Variants in ARHGAP33 observed in about 807,000 individuals in gnomAD.
ARHGAP33 encodes the protein rho GTPase-activating protein 33.
A neutral mutation model predicts 126.2 loss-of-function variants in ARHGAP33; 57 were observed. The ratio of observed to expected loss-of-function variants is 0.45; its 90% CI spans 0.36 to 0.56. ARHGAP33 has a LOEUF of 0.56. ARHGAP33 is among the 20% of genes least tolerant of loss of function. ARHGAP33 has a pLI of 0.00. For missense variants in ARHGAP33, 1,500 were observed against 1,748.3 expected, an observed-to-expected ratio of 0.86 and a Z score of 2.53; for synonymous variants, 711 against 755.0, an observed-to-expected ratio of 0.94 and a Z score of 0.95.
Position 35,777,914 on chromosome 19 carries a change from G to A in ARHGAP33, c.189+6G>A, listed in dbSNP as rs200713597. The A allele has an allele frequency of 2.5e-6, 4 of 1,614,102 alleles. No homozygotes were observed. In the East Asian group the frequency reaches 8.9e-5, roughly 36 times the overall value. ...TTGACTTTGGCCACATTCAGGTATG[G>A]GGGCTTTGCATTTGCACCCAGGAGG... On this transcript the variant is annotated splice_donor_region_variant and intron_variant, in intron 3 of 20. Transcript: ENST00000007510.
chr19:35,784,662 C>T (rs1972003896), intron 16 of ARHGAP33: 4 of 1,303,418 alleles, frequency 3.1e-6, no homozygotes, highest in Non-Finnish European at 3.9e-6. Flanking sequence ...CCCCGGACCC[C>T]AGCCCAGTCA....
intron 1 of ARHGAP33, 90 bp downstream of exon 1, chr19:35,775,754 G>A: frequency 7.8e-7 from 1 of 1,278,510 alleles, no homozygotes; most frequent in Non-Finnish European, 1.0e-6. Flanking sequence ...CCCCGGCCCC[G>A]CCCGATCCCG....
Position 35,778,332 on chromosome 19 carries a change from T to C in ARHGAP33, c.242T>C (p.Leu81Pro). The change falls in exon 4 of 21, where the codon CTG (leucine) becomes CCG (proline). Residue 81 changes from leucine to proline, a missense_variant. Leu to Pro is a moderately conservative substitution (Grantham distance 98). Transcript: ENST00000007510. The stretch of plus-strand genomic sequence containing the variant: ...CCCAGCCTCTCTGGAGAGAATGAGC[T>C]GGTGTTCGGGGTGCAGGTGACCTGT... The part of the protein sequence containing the change: ...EGPSLSGENE[L>P]VFGVQVTCQG... The C allele has an allele frequency of 1.2e-6, 2 of 1,614,176 alleles. No individual in the cohort carries two copies. The highest frequency in any genetic ancestry group is 1.6e-4 in the Middle Eastern group (1 of 6,062).
intron 8 of ARHGAP33, 26 bp from the exon 9 acceptor site, chr19:35,780,556 C>T (rs1359444202): frequency 6.2e-7 from 1 of 1,613,504 alleles, no homozygotes; most frequent in Admixed American, 1.7e-5. Flanking sequence ...TGGGGTGGCC[C>T]AGCTACTGAC....
At position 35,778,580 on chromosome 19, in the gene ARHGAP33, C is replaced by A; in HGVS notation, c.387C>A (p.Pro129=). The A allele has an allele frequency of 6.2e-7, 1 of 1,613,922 alleles. No individual in the cohort carries two copies. The highest frequency in any genetic ancestry group is 8.5e-7 in the Non-Finnish European group (1 of 1,179,956). The part of the protein sequence containing the change: ...FSCLPELPPP[P]EGARAAQMLV... The stretch of plus-strand genomic sequence containing the variant: ...GCCTTCCGGAGCTTCCCCCGCCCCC[C>A]GAGGGTGCCAGGGCTGCCCAGGTAA... The change falls in exon 5 of 21, where the codon CCC becomes CCA. Residue 129 remains proline (P), a synonymous_variant. Coordinates refer to ENST00000007510, the MANE Select transcript of ARHGAP33 (RefSeq NM_001366178.1).
intron 16 of ARHGAP33, chr19:35,784,551 T>C (rs1971990319): frequency 7.6e-7 from 1 of 1,313,036 alleles, no homozygotes; most frequent in African/African-American, 1.6e-5. Flanking sequence ...CTTCACCCCT[T>C]GTAGCTCCTG....
intron 2 of ARHGAP33, 33 bp downstream of exon 2, chr19:35,777,775 A>G (rs761814922): frequency 6.2e-7 from 1 of 1,613,844 alleles, no homozygotes; most frequent in East Asian, 2.2e-5. Context: ...CTCAGCTAGG[A>G]GCTGGGGAGA....
Position 35,781,059 on chromosome 19 carries a change from C to T in ARHGAP33, c.969C>T (p.Asn323=). The change falls in exon 11 of 21, where the codon AAC becomes AAT. Residue 323 remains asparagine, a synonymous_variant. Transcript: ENST00000007510. ...GCGATCTTGGCGAGCACCTCAGCAA[C>T]TCAGGCCAGGATGGTGAGGCCGGGG... The part of the protein sequence containing the change: ...FGCDLGEHLS[N]SGQDVPQVLR... The T allele has an allele frequency of 1.2e-6, 2 of 1,612,520 alleles. No individual in the cohort carries two copies. The highest frequency in any genetic ancestry group is 1.7e-6 in the Non-Finnish European group (2 of 1,179,842).
At position 35,787,853 on chromosome 19, in the gene ARHGAP33, CT is replaced by C; in HGVS notation, c.3289del (p.Tyr1097IlefsTer76). The C allele has an allele frequency of 6.2e-7, 1 of 1,609,286 alleles. No homozygotes were observed. Among genetic ancestry groups the C allele is most frequent in the Non-Finnish European group, 8.5e-7 (1 of 1,177,688 alleles). On this transcript the variant is annotated frameshift_variant, in exon 21 of 21. Transcript: ENST00000007510. LOFTEE classifies it high-confidence loss of function. ...YEIGASEGSPYSGPTRSWSPF... is the reference protein window; with the variant it reads ...YEIGASEGSPXSGPTRSWSPF... ...AGATCGGGGCAAGTGAGGGGTCCCC[CT>C]ATTCTGGCCCCACCCGCTCCTGGAG...
chr19:35,784,351 T>A lies in ARHGAP33; in HGVS notation c.1567+34T>A, dbSNP rs759629658. On this transcript the variant is annotated intron_variant, in intron 16 of 20. Coordinates refer to ENST00000007510, the MANE Select transcript of ARHGAP33 (RefSeq NM_001366178.1). ...TCCCACCCCCTGAGGTCCTGGCTAC[T>A]GCCCACCACGATCAGGGCTGCAGGG... 5.3e-6 allele frequency: 8 copies of A among 1,519,324 alleles called. No homozygotes were observed. In the African/African-American group the frequency reaches 7.0e-5, roughly 13 times the overall value. The allele number at this position is 1,519,324 out of a possible 1,614,324, so 94.1% of individuals were successfully genotyped here. A position where few individuals can be genotyped will look rare whatever the true frequency, so the allele number is the denominator to read the frequency against.
In ARHGAP33 at chr19:35,785,014, G is replaced by A; in HGVS notation, c.1629G>A (p.Leu543=). The A allele has an allele frequency of 6.5e-7, 1 of 1,549,772 alleles. No individual in the cohort carries two copies. The highest frequency in any genetic ancestry group is 2.4e-5 in the East Asian group (1 of 41,030). The part of the protein sequence containing the change: ...LAGSCPSTRL[L]TLEEAQARTQ... ...GCAGCTGCCCCTCCACCCGCCTGCTGACGCTGGAGGAAGCCCAGGCACGCA... is the reference window on the plus strand; with the variant it reads ...GCAGCTGCCCCTCCACCCGCCTGCTAACGCTGGAGGAAGCCCAGGCACGCA... The change falls in exon 17 of 21, where the codon CTG becomes CTA. Residue 543 remains leucine, a synonymous_variant. Transcript: ENST00000007510.
chr19:35,778,701 T>C (rs762674251), intron 5 of ARHGAP33, 100 bp downstream of exon 5: 13 of 1,449,184 alleles, frequency 9.0e-6, no homozygotes, highest in Non-Finnish European at 1.1e-5. Flanking sequence ...TAAATACTGG[T>C]ATGGCCCAAG....
chr19:35,782,823 A>C lies in ARHGAP33; in HGVS notation c.1375A>C (p.Met459Leu). 1 of 1,613,990 alleles carries C rather than the reference A, an allele frequency of 6.2e-7. No homozygotes were observed. The highest frequency in any genetic ancestry group is 1.1e-5 in the South Asian group (1 of 91,046). The change falls in exon 15 of 21, where the codon ATG becomes CTG. Residue 459 changes from methionine to leucine, a missense_variant. Coordinates refer to ENST00000007510, the MANE Select transcript of ARHGAP33 (RefSeq NM_001366178.1). The surrounding 1 kb of genome is among the most constrained non-coding windows in gnomAD (Gnocchi z 4.1). ...GGCGAGACACAGTGCCAACACCAGCATGCATGCCCGCAACCTGGCCATTGT... is the reference window on the plus strand; with the variant it reads ...GGCGAGACACAGTGCCAACACCAGCCTGCATGCCCGCAACCTGGCCATTGT... ...RMARHSANTS[M>L]HARNLAIVWA... is the part of the protein sequence containing the mutation.
intron 1 of ARHGAP33, among the ~76,000 whole-genome samples, chr19:35,777,145 G>C (rs1971496855): frequency 6.6e-6 from 1 of 152,186 alleles, no homozygotes; most frequent in Admixed American, 6.5e-5. Context: ...TCGATTATCA[G>C]ACCAGAGAAT....
chr19:35,777,510 G>A (rs1157132711), intron 1 of ARHGAP33, 135 bp from the exon 2 acceptor site: 11 of 711,392 alleles, frequency 1.5e-5, no homozygotes, highest in South Asian at 6.6e-5. Flanking sequence ...CACCTCCCCC[G>A]ACCTGCCATC....
chr19:35,785,425 C>G lies in ARHGAP33; in HGVS notation c.1884C>G (p.Thr628=). The change falls in exon 19 of 21, where the codon ACC becomes ACG. Residue 628 remains threonine, a synonymous_variant. Coordinates refer to ENST00000007510, the MANE Select transcript of ARHGAP33 (RefSeq NM_001366178.1). ...CTCCTGCAGGCAGCAGACCCGACACCGTCACACTGAGATCTGCCAAGAGCG... is the reference window on the plus strand; with the variant it reads ...CTCCTGCAGGCAGCAGACCCGACACGGTCACACTGAGATCTGCCAAGAGCG... ...PPQPSGSRPD[T]VTLRSAKSEE... 1 of 1,614,156 alleles carries G rather than the reference C, an allele frequency of 6.2e-7. No individual in the cohort carries two copies.
Position 35,787,311 on chromosome 19 carries a change from A to G in ARHGAP33, c.2746A>G (p.Ser916Gly), listed in dbSNP as rs1258694381. Residue 916 changes from serine to glycine, a missense_variant, in exon 21 of 21, where the codon AGC becomes GGC. By Grantham distance (56) the Ser-to-Gly change is moderately conservative. Coordinates refer to ENST00000007510, the MANE Select transcript of ARHGAP33 (RefSeq NM_001366178.1). Reference sequence around the variant, plus strand: ...GGCTCAGCAGGTGGCCGAGCAACAGAGCCAGCAGGAGTGTGGGGGCACCCC... The same window carrying G: ...GGCTCAGCAGGTGGCCGAGCAACAGGGCCAGCAGGAGTGTGGGGGCACCCC... The part of the protein sequence containing the change: ...ERAQQVAEQQ[S>G]QQECGGTPPA... 9 of 1,612,260 alleles carry G rather than the reference A, an allele frequency of 5.6e-6. No individual in the cohort carries two copies. The highest frequency in any genetic ancestry group is 7.6e-6 in the Non-Finnish European group (9 of 1,179,340).
At chr19:35,784,827 G>T in intron 16 of ARHGAP33, 126 bp from the exon 17 acceptor site, 2 of 1,150,972 alleles carry the variant, frequency 1.7e-6, no homozygotes, top group Non-Finnish European at 2.1e-6. Context: ...GATCCGCCCC[G>T]GCCCCCTGCC....
chr19:35,784,068 G>A (rs981324608), intron 15 of ARHGAP33, 104 bp from the exon 16 acceptor site: 2 of 985,782 alleles, frequency 2.0e-6, no homozygotes, highest in African/African-American at 3.3e-5. Context: ...GGTCAGAGGT[G>A]TTGAATAGAC....
Sources: gnomAD v4.1 joint callset for allele counts (sites outside exome capture counted in the v4.1 genomes callset) on GRCh38, gnomAD v4.1.1 for gene constraint, Gnocchi (gnomAD v3.1) non-coding constraint, MANE v1.5 for transcripts, NCBI Gene and HGNC (gene_info 2026-07-23, HGNC 2026-07-21) for gene names.